ARAP2: variants seen among roughly 807,000 people sequenced by gnomAD.
The protein encoded by ARAP2 is arf-GAP with Rho-GAP domain, ANK repeat and PH domain-containing protein 2.
In ARAP2, 148 loss-of-function variants were observed where a neutral mutation model predicts 194.5. The ratio of observed to expected loss-of-function variants is 0.76; its 90% CI spans 0.67 to 0.87. The LOEUF (loss-of-function observed/expected upper bound fraction) is 0.87, where lower values mean the gene tolerates loss of function less well. ARAP2 is among the 40% of genes least tolerant of loss of function. ARAP2 has a pLI of 0.00. For missense variants in ARAP2, 2,128 were observed against 1,989.7 expected (o/e 1.07, Z -1.32); for synonymous variants, 695 against 683.5 (o/e 1.02, Z -0.26).
rs140044389 is a variant in ARAP2, at chr4:36,016,148, G to C, written n.751-190C>G. Among the ~76,000 whole-genome samples the C allele has an allele frequency of 8.5e-3, 1,292 of 152,200 alleles. 28 individuals carry two copies. Among genetic ancestry groups the C allele is most frequent in the African/African-American group, 0.03 (1,228 of 41,506 alleles). ...ATGAACTGCAGGCATATGTCCATAA[G>C]TATTAATTTTGGAAATTAAAATCTC... On this transcript the variant is annotated intron_variant and non_coding_transcript_variant, in intron 6 of 12. Coordinates refer to the ARAP2 transcript ENST00000503225.
intron 5 of ARAP2, among the ~76,000 whole-genome samples, chr4:36,044,245 G>A (rs1721434083): frequency 6.6e-6 from 1 of 152,264 alleles, no homozygotes; most frequent in Non-Finnish European, 1.5e-5. Flanking sequence ...CAAACTAGAG[G>A]CCATTCATGA....
intron 27 of ARAP2, among the ~76,000 whole-genome samples, chr4:36,095,861 G>C (rs1320098779): frequency 6.6e-6 from 1 of 152,092 alleles, no homozygotes; most frequent in Middle Eastern, 3.2e-3. Flanking sequence ...TCATTATGCT[G>C]TCAGCTTCTG....
intron 24 of ARAP2, among the ~76,000 whole-genome samples, chr4:36,118,359 G>A (rs574211852): frequency 2.7e-5 from 4 of 149,348 alleles, no homozygotes; most frequent in Non-Finnish European, 4.5e-5. Flanking sequence ...AGAAGAATAG[G>A]TAAGAAATTC....
In ARAP2 at chr4:36,185,957, A is replaced by G. The variant is rs375852317; in HGVS notation, c.1678+1494T>C. 3.3e-3 allele frequency among the ~76,000 whole-genome samples: 502 copies of G among 151,874 alleles called. 1 individual carries two copies. The highest frequency in any genetic ancestry group is 8.7e-3 in the African/African-American group (359 of 41,254). On this transcript the variant is annotated intron_variant, in intron 8 of 32. Transcript: ENST00000303965. ...TGCGCCATTGCACTCAAGCTTGGGC[A>G]ACAAGAGTGAAACTCTGTCTCAAAA...
intron 6 of ARAP2, among the ~76,000 whole-genome samples, chr4:36,016,997 T>C (rs1295087521): frequency 1.3e-5 from 2 of 152,102 alleles, no homozygotes; most frequent in African/African-American, 2.4e-5. Context: ...CTCATTGTCA[T>C]TTAAAGGTCA....
chr4:36,025,093 A>G (rs1271011933), intron 5 of ARAP2, among the ~76,000 whole-genome samples: 1 of 152,172 alleles, frequency 6.6e-6, no homozygotes, highest in Admixed American at 6.6e-5. Flanking sequence ...GGTGTTGGAG[A>G]TAATTCATAG....
Position 36,187,586 on chromosome 4 carries a change from A to T in ARAP2, c.1558-15T>A. The T allele has an allele frequency of 6.5e-7, 1 of 1,530,710 alleles. No homozygotes were observed. Among genetic ancestry groups the T allele is most frequent in the South Asian group, 1.4e-5 (1 of 73,902 alleles). The allele number at this position is 1,530,710 out of a possible 1,614,324, so 94.8% of individuals were successfully genotyped here. A position where few individuals can be genotyped will look rare whatever the true frequency, so the allele number is the denominator to read the frequency against. ...GAATACATCTCCTGTATTGGTTAGAAAAAAAGAGAAGACATATGAAAACGA... is the reference window on the plus strand; with the variant it reads ...GAATACATCTCCTGTATTGGTTAGATAAAAAGAGAAGACATATGAAAACGA... On this transcript the variant is annotated splice_polypyrimidine_tract_variant and intron_variant, in intron 7 of 32. Coordinates refer to ENST00000303965, the MANE Select transcript of ARAP2 (RefSeq NM_015230.4).
chr4:36,031,666 C>CTTTTTTTTTTTTTT (rs67436021), intron 5 of ARAP2, among the ~76,000 whole-genome samples: 1 of 146,228 alleles, frequency 6.8e-6, no homozygotes. Flanking sequence ...GATTTAAAAT[C>CTTTTTTTTTTTTTT]TTTTTTTTTT....
At chr4:36,128,239 A>G (rs1724437549) in intron 21 of ARAP2, among the ~76,000 whole-genome samples, 1 of 151,970 alleles carries the variant, frequency 6.6e-6, no homozygotes. Context: ...CTTGACTGTA[A>G]CATTCCAAAG....
intron 7 of ARAP2, among the ~76,000 whole-genome samples, chr4:36,190,703 G>A (rs2109906477): frequency 6.6e-6 from 1 of 152,242 alleles, no homozygotes; most frequent in South Asian, 2.1e-4. Flanking sequence ...GGCTCATGGA[G>A]GTGAATAACA....
intron 27 of ARAP2, among the ~76,000 whole-genome samples, chr4:36,107,219 A>G (rs1718640208): frequency 6.6e-6 from 1 of 151,994 alleles, no homozygotes; most frequent in South Asian, 2.1e-4. Flanking sequence ...AATGCCTAGA[A>G]AGCTTTCTAA....
downstream of ARAP2, chr4:36,065,894 G>A (rs879767323): frequency 1.4e-4 from 22 of 152,186 alleles, no homozygotes; most frequent in African/African-American, 1.9e-4. Context: ...CAGCCAGTTT[G>A]AAGTATATAT....
chr4:36,135,708 T>G (rs1277311497), intron 19 of ARAP2, among the ~76,000 whole-genome samples: 1 of 151,814 alleles, frequency 6.6e-6, no homozygotes, highest in Admixed American at 6.6e-5. Flanking sequence ...TCAAACCTCT[T>G]GATTATGTGA....
chr4:36,049,847 C>T (rs950798409), intron 3 of ARAP2, among the ~76,000 whole-genome samples: 1 of 152,070 alleles, frequency 6.6e-6, no homozygotes, highest in Admixed American at 6.5e-5. Flanking sequence ...TGTATCTTGA[C>T]TTACTACAGA....
In ARAP2 at chr4:36,128,611, C is replaced by G; in HGVS notation, c.3562G>C (p.Val1188Leu). 1 of 1,613,040 alleles carries G rather than the reference C, an allele frequency of 6.2e-7. No homozygotes were observed. The highest frequency in any genetic ancestry group is 2.2e-5 in the East Asian group (1 of 44,740). The change falls in exon 21 of 33, where the codon GTG becomes CTG. Residue 1188 changes from valine (V) to leucine (L), a missense_variant. Transcript: ENST00000303965. ...ATGTCAGAGAGAAAACTTTTCAACA[C>G]AGCCGTCACATCTTCAAGCTGATGT... is the stretch of plus-strand genomic sequence containing the variant. ...GKHQLEDVTA[V>L]LKSFLSDIDD... is the part of the protein sequence containing the mutation.
At chr4:36,127,351 A>G (rs1418789522) in intron 21 of ARAP2, among the ~76,000 whole-genome samples, 1 of 152,060 alleles carries the variant, frequency 6.6e-6, no homozygotes, top group Non-Finnish European at 1.5e-5. Flanking sequence ...AGTGAACCCT[A>G]CTGATTTGAG....
In ARAP2 at chr4:36,128,685, A is replaced by G; in HGVS notation, c.3488T>C (p.Leu1163Pro). 2.5e-6 allele frequency: 4 copies of G among 1,612,768 alleles called. No individual in the cohort carries two copies. Among genetic ancestry groups the G allele is most frequent in the Non-Finnish European group, 2.5e-6 (3 of 1,179,362 alleles). ...NGDPLHISELLESFKKDARSF... is the reference protein window; with the variant it reads ...NGDPLHISELPESFKKDARSF... Reference sequence around the variant, plus strand: ...TCTTGCATCCTTTTTGAAACTCTCCAGGAGTTCACTTATATGCAAAGGATC... The same window carrying G: ...TCTTGCATCCTTTTTGAAACTCTCCGGGAGTTCACTTATATGCAAAGGATC... Residue 1163 changes from leucine to proline, a missense_variant, in exon 21 of 33, where the codon CTG (leucine) becomes CCG (proline). Physicochemically the swap from Leu to Pro is moderately conservative, Grantham distance 98 (BLOSUM62 -3). Coordinates refer to ENST00000303965, the MANE Select transcript of ARAP2 (RefSeq NM_015230.4).
At chr4:36,091,309 A>G (rs1295053840) in intron 28 of ARAP2, among the ~76,000 whole-genome samples, 4 of 152,162 alleles carry the variant, frequency 2.6e-5, no homozygotes, top group Non-Finnish European at 5.9e-5. Context: ...ATATTTTTAT[A>G]GCTACATCAT....
intron 28 of ARAP2, among the ~76,000 whole-genome samples, chr4:36,086,446 C>A (rs1391775914): frequency 6.6e-6 from 1 of 152,064 alleles, no homozygotes; most frequent in Non-Finnish European, 1.5e-5. Context: ...AGGAGATCAG[C>A]AATTGTAGAA....
Sources: gnomAD v4.1 joint callset for allele counts (sites outside exome capture counted in the v4.1 genomes callset) on GRCh38, gnomAD v4.1.1 for gene constraint, MANE v1.5 for transcripts, NCBI Gene and HGNC (gene_info 2026-07-23, HGNC 2026-07-21) for gene names.